The following DEUP1 variants were observed in gnomAD, a reference collection of about 807,000 sequenced individuals.
DEUP1 encodes coiled-coil domain containing 67.
A neutral mutation model predicts 87.4 loss-of-function variants in DEUP1; 82 were observed. The observed-to-expected ratio is 0.94, with a 90% CI of 0.78 to 1.13. The LOEUF (loss-of-function observed/expected upper bound fraction) is 1.13. DEUP1 is among the 50% of genes most tolerant of loss of function. The pLI is 0.00. For missense variants in DEUP1, 663 were observed against 681.5 expected, an observed-to-expected ratio of 0.97 and a Z score of 0.30; for synonymous variants, 214 against 222.7, an observed-to-expected ratio of 0.96 and a Z score of 0.35.
chr11:93,377,541 T>A (rs1262263858), intron 7 of DEUP1, among the ~76,000 whole-genome samples: 3 of 152,154 alleles, frequency 2.0e-5, no homozygotes, highest in Non-Finnish European at 4.4e-5. Flanking sequence ...AGACAGCAGG[T>A]ACTTGGTTGG....
intron 2 of DEUP1, among the ~76,000 whole-genome samples, 168 bp downstream of exon 2, chr11:93,332,456 C>T (rs866259384): frequency 1.1e-4 from 17 of 152,224 alleles, no homozygotes; most frequent in Middle Eastern, 3.4e-3. Context: ...GATTATAATG[C>T]GAGACTTTCT....
Position 93,416,483 on chromosome 11 carries a change from A to G in DEUP1, c.1638+1369A>G, listed in dbSNP as rs928988859. Among the ~76,000 whole-genome samples the G allele has an allele frequency of 6.6e-5, 10 of 152,304 alleles. No individual in the cohort carries two copies. The East Asian group carries it at 1.9e-3, about 29-fold the overall frequency. On this transcript the variant is annotated intron_variant, in intron 13 of 13. Transcript: ENST00000298050. The stretch of plus-strand genomic sequence containing the variant: ...ACTCTCCCAAGACTAAACCAGGAAG[A>G]AGTTGAATCTCTGAATAGACCAATA...
At chr11:93,365,668 G>A (rs568468184) in intron 5 of DEUP1, among the ~76,000 whole-genome samples, 2 of 152,280 alleles carry the variant, frequency 1.3e-5, no homozygotes, top group African/African-American at 4.8e-5. Context: ...TTATATATAT[G>A]TAATGAAATT....
intron 12 of DEUP1, among the ~76,000 whole-genome samples, chr11:93,410,893 T>G (rs1947416913): frequency 6.6e-6 from 1 of 152,232 alleles, no homozygotes; most frequent in Non-Finnish European, 1.5e-5. Flanking sequence ...TAATAAGCAG[T>G]TTAGGCTGCT....
chr11:93,413,860 A>T (rs1258909266), intron 12 of DEUP1, among the ~76,000 whole-genome samples: 1 of 152,200 alleles, frequency 6.6e-6, no homozygotes, highest in Non-Finnish European at 1.5e-5. Flanking sequence ...CTAGCAATTT[A>T]TTCTGATTTA....
chr11:93,429,915 G>A (rs1260791214), intron 13 of DEUP1, among the ~76,000 whole-genome samples: 1 of 152,076 alleles, frequency 6.6e-6, no homozygotes, highest in African/African-American at 2.4e-5. Flanking sequence ...TGTGATGGAG[G>A]CCTTAAAAAT....
chr11:93,405,107 AC>A (rs1947230485), intron 11 of DEUP1, among the ~76,000 whole-genome samples: 1 of 152,012 alleles, frequency 6.6e-6, no homozygotes, highest in South Asian at 2.1e-4. Flanking sequence ...AAAAGCTTAA[AC>A]AAAATTTTAA....
chr11:93,359,719 T>C (rs1945070801), intron 4 of DEUP1, among the ~76,000 whole-genome samples: 1 of 152,116 alleles, frequency 6.6e-6, no homozygotes. Context: ...CACTTTTAGA[T>C]AACAACCTCT....
intron 2 of DEUP1, 30 bp downstream of exon 2, chr11:93,332,318 G>C: frequency 6.3e-7 from 1 of 1,591,018 alleles, no homozygotes; most frequent in Non-Finnish European, 8.6e-7. Flanking sequence ...TGTTTAATAA[G>C]TATGTGCTTA....
At chr11:93,374,301 T>C (rs1467525172) in intron 7 of DEUP1, among the ~76,000 whole-genome samples, 1 of 152,218 alleles carries the variant, frequency 6.6e-6, no homozygotes, top group Non-Finnish European at 1.5e-5. Flanking sequence ...CATCTATGTA[T>C]CCTTGTTTTT....
intron 13 of DEUP1, among the ~76,000 whole-genome samples, chr11:93,416,018 T>C (rs941639815): frequency 6.6e-6 from 1 of 152,144 alleles, no homozygotes; most frequent in Non-Finnish European, 1.5e-5. Context: ...ATACCTAAAA[T>C]GGAATACCGA....
chr11:93,344,397 G>C (rs1311354983), intron 2 of DEUP1, among the ~76,000 whole-genome samples: 1 of 151,648 alleles, frequency 6.6e-6, no homozygotes, highest in Non-Finnish European at 1.5e-5. Flanking sequence ...AAAAAGTTAA[G>C]ACCTAACTTA....
At chr11:93,402,167 A>T (rs1947138355) in intron 11 of DEUP1, among the ~76,000 whole-genome samples, 1 of 151,986 alleles carries the variant, frequency 6.6e-6, no homozygotes, top group Non-Finnish European at 1.5e-5. Flanking sequence ...TAGTAAAAAA[A>T]AATAATTTGA....
chr11:93,348,344 GCT>G (rs1287608408), intron 2 of DEUP1, among the ~76,000 whole-genome samples: 1 of 151,772 alleles, frequency 6.6e-6, no homozygotes. Flanking sequence ...CTTCAATTCA[GCT>G]CTGATTTTAT....
chr11:93,436,065 A>AAGGGTGGAACATTTTC (rs1479460394), intron 13 of DEUP1, among the ~76,000 whole-genome samples: 4 of 152,184 alleles, frequency 2.6e-5, no homozygotes, highest in African/African-American at 9.7e-5. Context: ...TATTTGATCC[A>AAGGGTGGAACATTTTC]AGGGTGGAAC....
At chr11:93,435,001 C>A (rs1591283838) in intron 13 of DEUP1, among the ~76,000 whole-genome samples, 1 of 152,260 alleles carries the variant, frequency 6.6e-6, no homozygotes, top group South Asian at 2.1e-4. Context: ...CCAGTGGATA[C>A]CATGGTCGTG....
intron 13 of DEUP1, among the ~76,000 whole-genome samples, chr11:93,430,416 C>A (rs925554467): frequency 6.6e-6 from 1 of 151,734 alleles, no homozygotes; most frequent in Non-Finnish European, 1.5e-5. Flanking sequence ...GCAGCTATGC[C>A]AAAAAAGGCC....
intron 9 of DEUP1, among the ~76,000 whole-genome samples, chr11:93,393,520 A>G (rs538370173): frequency 5.3e-5 from 8 of 152,016 alleles, no homozygotes; most frequent in African/African-American, 1.7e-4. Context: ...TTCATCCTTC[A>G]GTTTTGGGTC....
rs772887205 is a variant in DEUP1 at position 93,396,348 on chromosome 11, T to A, written c.1326+23T>A. The A allele has an allele frequency of 3.6e-6, 5 of 1,376,086 alleles. No homozygotes were observed. The South Asian group carries it at 6.7e-5, about 19-fold the overall frequency. 85.2% of individuals were successfully genotyped at this position (1,376,086 alleles called of 1,614,324 possible). A position where few individuals can be genotyped will look rare whatever the true frequency, so the allele number is the denominator to read the frequency against. On this transcript the variant is annotated intron_variant, in intron 11 of 13. Coordinates refer to ENST00000298050, the MANE Select transcript of DEUP1 (RefSeq NM_181645.4). ...ATGGTAATATGCTGACATCATTCAA[T>A]AAATTGAACAAAGAGATTACTGAAT...
Sources: allele counts gnomAD v4.1 joint callset (sites outside exome capture counted in the v4.1 genomes callset), GRCh38; gene constraint gnomAD v4.1.1; transcripts MANE v1.5; gene names NCBI Gene and HGNC (gene_info 2026-07-23, HGNC 2026-07-21).